Variants in CHST8 observed in about 807,000 individuals in gnomAD.
CHST8 encodes the protein carbohydrate sulfotransferase 8.
A neutral mutation model predicts 15.0 loss-of-function variants in CHST8; 10 were observed. That is an observed-to-expected ratio of 0.67 (90% CI 0.41 to 1.13). The LOEUF (loss-of-function observed/expected upper bound fraction) is 1.13, where lower values mean the gene tolerates loss of function less well. Ranked by LOEUF, CHST8 falls within the 50% of genes most tolerant of loss-of-function variation. The probability of loss-of-function intolerance (pLI) is 0.00; values close to 1 mark genes in which losing one functional copy is unlikely to be tolerated. For synonymous variants in CHST8, 259 were observed against 256.6 expected (o/e 1.01, Z -0.09); for missense variants, 634 against 608.2 (o/e 1.04, Z -0.45).
chr19:33,656,317 A>G (rs1307133629), intron 1 of CHST8, among the ~76,000 whole-genome samples: 6 of 152,206 alleles, frequency 3.9e-5, no homozygotes, highest in African/African-American at 1.4e-4. Flanking sequence ...GAAAAAACCC[A>G]TTGCTTATTA....
chr19:33,745,437 C>A (rs1330414846), intron 3 of CHST8, among the ~76,000 whole-genome samples: 1 of 152,248 alleles, frequency 6.6e-6, no homozygotes, highest in Non-Finnish European at 1.5e-5. Context: ...TGCCTGTGCT[C>A]CACCTACCAC....
intron 2 of CHST8, among the ~76,000 whole-genome samples, chr19:33,679,729 T>C (rs1036693163): frequency 6.6e-6 from 1 of 152,210 alleles, no homozygotes; most frequent in Non-Finnish European, 1.5e-5. Context: ...GTGTGTAACC[T>C]TGGCCATATT....
chr19:33,751,232 C>T (rs1395921556), intron 3 of CHST8, among the ~76,000 whole-genome samples: 1 of 152,164 alleles, frequency 6.6e-6, no homozygotes, highest in Non-Finnish European at 1.5e-5. Flanking sequence ...CGGCAGGGAC[C>T]CATATGTTCT....
At chr19:33,727,588 T>C (rs1254209232) in intron 3 of CHST8, among the ~76,000 whole-genome samples, 1 of 152,232 alleles carries the variant, frequency 6.6e-6, no homozygotes, top group African/African-American at 2.4e-5. Flanking sequence ...CTGGCTTTAT[T>C]AATCCATTTT....
intron 3 of CHST8, among the ~76,000 whole-genome samples, chr19:33,727,666 A>C (rs1164012764): frequency 6.6e-6 from 1 of 152,164 alleles, no homozygotes; most frequent in Non-Finnish European, 1.5e-5. Context: ...GGCCCCCCGG[A>C]AGGAGGAACA....
chr19:33,741,034 T>C lies in CHST8; in HGVS notation c.131-30379T>C, dbSNP rs1357543473. ...AAACAGCACTCCCTCTCCTTCCAGTTGCCTGAGCTGCTGCGGCAGGGTCAG... is the reference window on the plus strand; with the variant it reads ...AAACAGCACTCCCTCTCCTTCCAGTCGCCTGAGCTGCTGCGGCAGGGTCAG... On this transcript the variant is annotated intron_variant, in intron 3 of 4. Transcript: ENST00000650847. Among the ~76,000 whole-genome samples, 4 of 152,232 alleles carry C rather than the reference T, an allele frequency of 2.6e-5. No individual in the cohort carries two copies. In the East Asian group the frequency reaches 7.7e-4, roughly 29 times the overall value.
chr19:33,767,616 G>A (rs1323851925), intron 3 of CHST8, among the ~76,000 whole-genome samples: 1 of 152,240 alleles, frequency 6.6e-6, no homozygotes, highest in Admixed American at 6.5e-5. Context: ...CTCCACGCAT[G>A]TCATCTGTCC....
chr19:33,682,418 AC>A (rs1337120211), intron 2 of CHST8, among the ~76,000 whole-genome samples: 6 of 151,908 alleles, frequency 3.9e-5, no homozygotes, highest in African/African-American at 1.5e-4. Context: ...CTAGTGATGC[AC>A]CCAGTTCATA....
At chr19:33,625,281 C>T (rs887724661) in intron 1 of CHST8, among the ~76,000 whole-genome samples, 3 of 151,946 alleles carry the variant, frequency 2.0e-5, no homozygotes, top group Non-Finnish European at 2.9e-5. Flanking sequence ...CAGGGTTTCA[C>T]CATATTGGCC....
At position 33,668,882 on chromosome 19, in the gene CHST8, A is replaced by G. The variant is rs568015324; in HGVS notation, c.-87+1039A>G. Among the ~76,000 whole-genome samples the G allele has an allele frequency of 7.4e-4, 113 of 152,158 alleles. 1 individual carries two copies. The highest frequency in any genetic ancestry group is 2.7e-3 in the African/African-American group (111 of 41,496). ...CTGTGGTTCCCATCACGGGTCAAAA[A>G]CAAGCATTTTCTGTTTGAACGTGAG... On this transcript the variant is annotated intron_variant, in intron 2 of 4. Coordinates refer to ENST00000650847, the MANE Select transcript of CHST8 (RefSeq NM_001127895.2).
chr19:33,625,523 C>G (rs1048738754), intron 1 of CHST8, among the ~76,000 whole-genome samples: 2 of 152,134 alleles, frequency 1.3e-5, no homozygotes, highest in African/African-American at 4.8e-5. Context: ...ATCAATGTGA[C>G]CCGGCAGTGG....
At chr19:33,638,877 C>T (rs1242102347) in intron 1 of CHST8, among the ~76,000 whole-genome samples, 1 of 152,088 alleles carries the variant, frequency 6.6e-6, no homozygotes, top group Non-Finnish European at 1.5e-5. Flanking sequence ...TGAGTGCTCC[C>T]TGGTCCATCA....
chr19:33,741,104 T>C (rs1202305952), intron 3 of CHST8, among the ~76,000 whole-genome samples: 1 of 152,210 alleles, frequency 6.6e-6, no homozygotes, highest in Non-Finnish European at 1.5e-5. Flanking sequence ...TAATTGCCAA[T>C]TTTCTGCTTC....
intron 3 of CHST8, among the ~76,000 whole-genome samples, chr19:33,720,433 C>A (rs1015274562): frequency 2.6e-5 from 4 of 151,562 alleles, no homozygotes; most frequent in Non-Finnish European, 5.9e-5. Flanking sequence ...ATGCACCACA[C>A]ATATATACCA....
At chr19:33,692,982 T>C (rs1373484175) in intron 3 of CHST8, among the ~76,000 whole-genome samples, 1 of 151,738 alleles carries the variant, frequency 6.6e-6, no homozygotes, top group African/African-American at 2.4e-5. Context: ...TCAATTCAGC[T>C]ATAACTATTT....
chr19:33,685,663 G>A (rs1304383878), intron 2 of CHST8, among the ~76,000 whole-genome samples: 5 of 152,152 alleles, frequency 3.3e-5, no homozygotes, highest in African/African-American at 9.7e-5. Context: ...GCCTGTGACT[G>A]TGTTTATGCC....
intron 3 of CHST8, among the ~76,000 whole-genome samples, chr19:33,742,715 A>G (rs1197748657): frequency 6.6e-6 from 1 of 152,130 alleles, no homozygotes; most frequent in Non-Finnish European, 1.5e-5. Flanking sequence ...TTTTTGTTGT[A>G]TATATCGGCT....
chr19:33,769,577 C>T (rs1974926123), intron 3 of CHST8, among the ~76,000 whole-genome samples: 1 of 152,148 alleles, frequency 6.6e-6, no homozygotes, highest in African/African-American at 2.4e-5. Flanking sequence ...GCTGGGACAG[C>T]TGCAGTAATG....
chr19:33,755,375 T>C (rs76924158), intron 3 of CHST8, among the ~76,000 whole-genome samples: 20 of 152,328 alleles, frequency 1.3e-4, no homozygotes, highest in Non-Finnish European at 1.8e-4. Context: ...ATCATCACAA[T>C]ATTTTGTTTG....
Sources: allele counts gnomAD v4.1 joint callset (sites outside exome capture counted in the v4.1 genomes callset), GRCh38; gene constraint gnomAD v4.1.1; transcripts MANE v1.5; gene names NCBI Gene and HGNC (gene_info 2026-07-23, HGNC 2026-07-21).